The following TBC1D16 variants were observed in gnomAD, a reference collection of about 807,000 sequenced individuals.
TBC1D16 encodes the protein CTD-2529O21.1.
A neutral mutation model predicts 74.7 loss-of-function variants in TBC1D16; 58 were observed. That is an observed-to-expected ratio of 0.78 (90% confidence interval 0.63 to 0.97). TBC1D16 has a LOEUF of 0.97. Ranked by LOEUF, TBC1D16 falls within the 50% of genes least tolerant of loss-of-function variation. The probability of loss-of-function intolerance (pLI) is 0.00; values close to 1 mark genes in which losing one functional copy is unlikely to be tolerated. For missense variants in TBC1D16, 1,014 were observed against 1,079.5 expected, an observed-to-expected ratio of 0.94 and a Z score of 0.85; for synonymous variants, 493 against 474.7, an observed-to-expected ratio of 1.04 and a Z score of -0.50.
At position 80,023,400 on chromosome 17, in the gene TBC1D16, G is replaced by A. The variant is rs368691760; in HGVS notation, c.-62-9791C>T. 7.7e-4 allele frequency among the ~76,000 whole-genome samples: 116 copies of A among 149,844 alleles called. 12 individuals carry two copies. The East Asian group carries it at 7.8e-3, about 10-fold the overall frequency. ...CCACAGCCCTCCATGCCCTCCTTCCGCCCCGCAGTCCCAGCATGAAGCCAC... is the reference window on the plus strand; with the variant it reads ...CCACAGCCCTCCATGCCCTCCTTCCACCCCGCAGTCCCAGCATGAAGCCAC... On this transcript the variant is annotated intron_variant, in intron 1 of 11. Coordinates refer to ENST00000310924, the MANE Select transcript of TBC1D16 (RefSeq NM_019020.4).
rs147563962 is a variant in TBC1D16 at position 79,994,657 on chromosome 17, C to T, written c.779+15503G>A. On this transcript the variant is annotated intron_variant, in intron 3 of 11. Coordinates refer to ENST00000310924, the MANE Select transcript of TBC1D16 (RefSeq NM_019020.4). The surrounding 1 kb of genome is among the most constrained non-coding windows in gnomAD (Gnocchi z 4.6). Reference sequence around the variant, plus strand: ...CAGGCTTGTCTTGAACTCCTGACCTCAGGTGATCCACCAGCCTCGGCATCC... The same window carrying T: ...CAGGCTTGTCTTGAACTCCTGACCTTAGGTGATCCACCAGCCTCGGCATCC... 0.013 allele frequency among the ~76,000 whole-genome samples: 1,991 copies of T among 152,244 alleles called. 31 individuals are homozygous for T. Among genetic ancestry groups the T allele is most frequent in the East Asian group, 0.058 (300 of 5,134 alleles).
Position 79,993,017 on chromosome 17 carries a change from G to C in TBC1D16, c.779+17143C>G, listed in dbSNP as rs529316121. The stretch of plus-strand genomic sequence containing the variant: ...CAGTACCAGGCCAACACCAGTCCCA[G>C]CGGATGGCACAGAGATGGGCACTGC... On this transcript the variant is annotated intron_variant, in intron 3 of 11. Transcript: ENST00000310924. The surrounding 1 kb of genome is among the most constrained non-coding windows in gnomAD (Gnocchi z 5.1). Among the ~76,000 whole-genome samples, 82 of 152,342 alleles carry C rather than the reference G, an allele frequency of 5.4e-4. No individual in the cohort carries two copies. The highest frequency in any genetic ancestry group is 1.9e-3 in the African/African-American group (77 of 41,580).
chr17:79,970,323 G>A (rs1317719990), intron 3 of TBC1D16, among the ~76,000 whole-genome samples: 1 of 151,766 alleles, frequency 6.6e-6, no homozygotes, highest in East Asian at 1.9e-4. Flanking sequence ...GTTTCTTTTT[G>A]GGGGGATGAA....
chr17:80,010,008 G>T lies in TBC1D16; in HGVS notation c.779+152C>A, dbSNP rs1011305355. ...GCTGAAGCCCTTGCCTCAGGGAGGG[G>T]CTCCTGCCACAGCCACGGCCACAGC... is the stretch of plus-strand genomic sequence containing the variant. On this transcript the variant is annotated intron_variant, in intron 3 of 11. Transcript: ENST00000310924. This position sits in a 1 kb window ranked among gnomAD's most constrained non-coding sequence, Gnocchi z 8.8. The T allele has an allele frequency of 3.3e-5, 22 of 665,174 alleles. No homozygotes were observed. Among genetic ancestry groups the T allele is most frequent in the Admixed American group, 1.2e-4 (4 of 33,520 alleles). The allele number at this position is 665,174 out of a possible 1,614,324, so 41.2% of individuals were successfully genotyped here.
At chr17:80,018,497 T>C (rs929473938) in intron 1 of TBC1D16, among the ~76,000 whole-genome samples, 2 of 149,776 alleles carry the variant, frequency 1.3e-5, no homozygotes, top group Admixed American at 1.3e-4. Context: ...TTAGCCAGGA[T>C]GGTCTCGATC....
rs2032797487 is a variant in TBC1D16, at chr17:79,948,922, C to G, written c.1491G>C (p.Arg497=). 2 of 1,614,038 alleles carry G rather than the reference C, an allele frequency of 1.2e-6. No homozygotes were observed. Among genetic ancestry groups the G allele is most frequent in the African/African-American group, 2.7e-5 (2 of 74,926 alleles). The change falls in exon 8 of 12, where the codon CGG becomes CGC. Residue 497 remains arginine (R), a synonymous_variant. Transcript: ENST00000310924. ...CTTCCCCCCGGAAGAACTGGTTGTT[C>G]CGATCTGTCCGGACCACGTCTTTGT... ...TVDKDVVRTD[R]NNQFFRGEDN...
chr17:79,959,333 T>G (rs1283974549), intron 3 of TBC1D16, among the ~76,000 whole-genome samples: 1 of 152,210 alleles, frequency 6.6e-6, no homozygotes, highest in African/African-American at 2.4e-5. Flanking sequence ...CAAACTGATC[T>G]ACAGATTCAA....
chr17:80,018,577 C>G (rs1187610745), intron 1 of TBC1D16, among the ~76,000 whole-genome samples: 2 of 148,462 alleles, frequency 1.3e-5, no homozygotes, highest in Admixed American at 1.3e-4. Context: ...CCACCGTGCC[C>G]AGCCTGAAAA....
rs538024789 is a variant in TBC1D16 at position 79,937,144 on chromosome 17, G to A, written c.*3715C>T. ...CAAGGGAAAGGGGAAGCTGCACGAG[G>A]AGCAAGATTTCATTCCCCAGAGGGC... is the stretch of plus-strand genomic sequence containing the variant. On this transcript the variant is annotated 3_prime_UTR_variant, in exon 12 of 12. Coordinates refer to ENST00000310924, the MANE Select transcript of TBC1D16 (RefSeq NM_019020.4). 1.3e-5 allele frequency: 2 copies of A among 152,248 alleles called. No individual in the cohort carries two copies. Among genetic ancestry groups the A allele is most frequent in the East Asian group, 3.9e-4 (2 of 5,152 alleles). 9.4% of individuals were successfully genotyped at this position (152,248 alleles called of 1,614,324 possible). A position where few individuals can be genotyped will look rare whatever the true frequency, so the allele number is the denominator to read the frequency against.
intron 3 of TBC1D16, among the ~76,000 whole-genome samples, chr17:79,978,652 C>T (rs940761367): frequency 6.6e-6 from 1 of 152,206 alleles, no homozygotes; most frequent in Non-Finnish European, 1.5e-5. Context: ...TTCCGTGGGT[C>T]CCGTGCATTT....
chr17:79,961,522 C>T lies in TBC1D16; in HGVS notation c.780-8704G>A, dbSNP rs147652620. On this transcript the variant is annotated intron_variant, in intron 3 of 11. Transcript: ENST00000310924. The surrounding 1 kb of genome is among the most constrained non-coding windows in gnomAD (Gnocchi z 4.8). ...CAAGAGAAATAAAAACATATGTCCA[C>T]GTGCAAAGACTTGCACATAAATGTG... 1.4e-4 allele frequency among the ~76,000 whole-genome samples: 22 copies of T among 152,344 alleles called. No individual in the cohort carries two copies. The East Asian group carries it at 4.0e-3, about 28-fold the overall frequency.
chr17:79,990,359 G>C lies in TBC1D16; in HGVS notation c.779+19801C>G, dbSNP rs1787040858. ...CCACAGCGCAGCACCTGCCCCATGA[G>C]AGCCTCCTGTTGCAGCCCGGGCAGA... On this transcript the variant is annotated intron_variant, in intron 3 of 11. Coordinates refer to ENST00000310924, the MANE Select transcript of TBC1D16 (RefSeq NM_019020.4). The surrounding 1 kb of genome is among the most constrained non-coding windows in gnomAD (Gnocchi z 4.8). Among the ~76,000 whole-genome samples the C allele has an allele frequency of 6.6e-6, 1 of 152,354 alleles. No homozygotes were observed. The highest frequency in any genetic ancestry group is 2.4e-5 in the African/African-American group (1 of 41,584).
rs893931409 is a variant in TBC1D16 at position 79,985,169 on chromosome 17, C to G, written c.779+24991G>C. ...GCTCGTCCTGGATCCTGGAAGCCCCCAAGCCTGCAGCAGCATCACTCCCAT... is the reference window on the plus strand; with the variant it reads ...GCTCGTCCTGGATCCTGGAAGCCCCGAAGCCTGCAGCAGCATCACTCCCAT... On this transcript the variant is annotated intron_variant, in intron 3 of 11. Coordinates refer to ENST00000310924, the MANE Select transcript of TBC1D16 (RefSeq NM_019020.4). The surrounding 1 kb of genome is among the most constrained non-coding windows in gnomAD (Gnocchi z 4.9). Among the ~76,000 whole-genome samples the G allele has an allele frequency of 2.0e-5, 3 of 152,108 alleles. No homozygotes were observed. The highest frequency in any genetic ancestry group is 2.0e-4 in the Admixed American group (3 of 15,274).
intron 1 of TBC1D16, among the ~76,000 whole-genome samples, chr17:80,027,891 C>G (rs1298699345): frequency 1.5e-5 from 1 of 66,826 alleles, no homozygotes. Context: ...GACTCCAACT[C>G]AAAAAAAAAA....
At chr17:80,024,717 GT>G (rs2036485140) in intron 1 of TBC1D16, among the ~76,000 whole-genome samples, 1 of 11,456 alleles carries the variant, frequency 8.7e-5, no homozygotes, top group South Asian at 2.2e-3. Flanking sequence ...ACACACCATA[GT>G]CACACCACAC....
At chr17:79,999,542 T>TC (rs1420245059) in intron 3 of TBC1D16, among the ~76,000 whole-genome samples, 1 of 126,628 alleles carries the variant, frequency 7.9e-6, no homozygotes, top group African/African-American at 3.0e-5. Context: ...TCTTTTTTTT[T>TC]TTTTTTTTTT....
Position 79,961,136 on chromosome 17 carries a change from G to A in TBC1D16, c.780-8318C>T, listed in dbSNP as rs560862722. 9.2e-5 allele frequency among the ~76,000 whole-genome samples: 14 copies of A among 152,302 alleles called. No homozygotes were observed. Among genetic ancestry groups the A allele is most frequent in the Non-Finnish European group, 1.5e-4 (10 of 68,030 alleles). Reference sequence around the variant, plus strand: ...TACATCTTAACAAGGGAATACATACGCCTCAGCAATAAAAAGGAGCAAACT... The same window carrying A: ...TACATCTTAACAAGGGAATACATACACCTCAGCAATAAAAAGGAGCAAACT... On this transcript the variant is annotated intron_variant, in intron 3 of 11. Coordinates refer to ENST00000310924, the MANE Select transcript of TBC1D16 (RefSeq NM_019020.4). This position sits in a 1 kb window ranked among gnomAD's most constrained non-coding sequence, Gnocchi z 4.8.
Position 79,984,617 on chromosome 17 carries a change from G to GAAGGAAGGAAGGAAGGAAGGA in TBC1D16, c.779+25542_779+25543insTCCTTCCTTCCTTCCTTCCTT, listed in dbSNP as rs1225371423. 1.8e-3 allele frequency among the ~76,000 whole-genome samples: 162 copies of GAAGGAAGGAAGGAAGGAAGGA among 92,266 alleles called. 1 individual carries two copies. The highest frequency in any genetic ancestry group is 3.0e-3 in the Non-Finnish European group (129 of 42,472). 60.5% of individuals were successfully genotyped at this position (92,266 alleles called of 152,430 possible). Reference sequence around the variant, plus strand: ...AAGAGAAAGAAAAGAGGGAGGGAGGGAGTGAAGGAAGGAAGGAAGGAAGGA... The same window carrying GAAGGAAGGAAGGAAGGAAGGA: ...AAGAGAAAGAAAAGAGGGAGGGAGGGAAGGAAGGAAGGAAGGAAGGAAGTGAAGGAAGGAAGGAAGGAAGGA... On this transcript the variant is annotated intron_variant, in intron 3 of 11. Coordinates refer to ENST00000310924, the MANE Select transcript of TBC1D16 (RefSeq NM_019020.4).
chr17:79,947,981 C>T (rs779806528), intron 8 of TBC1D16, 150 bp from the exon 9 acceptor site: 11 of 687,678 alleles, frequency 1.6e-5, no homozygotes, highest in African/African-American at 1.8e-5. Flanking sequence ...AGAGCCCAAG[C>T]TTAGCTTCCA....
Sources: gnomAD v4.1 joint callset for allele counts (sites outside exome capture counted in the v4.1 genomes callset) on GRCh38, gnomAD v4.1.1 for gene constraint, Gnocchi (gnomAD v3.1) non-coding constraint, MANE v1.5 for transcripts, NCBI Gene and HGNC (gene_info 2026-07-23, HGNC 2026-07-21) for gene names.